MYO15A: variants seen among roughly 807,000 people sequenced by gnomAD.
MYO15A encodes myosin XVA.
Under a neutral mutation model 394.6 loss-of-function variants are expected in MYO15A, and 308 were observed. The observed-to-expected ratio is 0.78, with a 90% CI of 0.71 to 0.86. MYO15A has a LOEUF of 0.86. Among genes scored for constraint, MYO15A ranks in the 40% least tolerant of loss-of-function variants. The probability of loss-of-function intolerance (pLI) is 0.00; values close to 1 mark genes in which losing one functional copy is unlikely to be tolerated. For synonymous variants in MYO15A, 1,957 were observed against 2,003.8 expected (o/e 0.98, Z 0.62); for missense variants, 4,606 against 4,799.1 (o/e 0.96, Z 1.19).
chr17:18,163,294 A>G lies in MYO15A; in HGVS notation c.9663A>G (p.Glu3221=). The G allele has an allele frequency of 6.2e-7, 1 of 1,614,182 alleles. No homozygotes were observed. Among genetic ancestry groups the G allele is most frequent in the Admixed American group, 1.7e-5 (1 of 60,028 alleles). ...TCTTTCTTCTTCCTGGAGGCCTTGA[A>G]CGCCATCTCAAAATCAAAACATGCA... ...RQLFLLPGGL[E]RHLKIKTCTV... Residue 3221 remains glutamate, a synonymous_variant, in exon 59 of 66, where the codon GAA becomes GAG. Transcript: ENST00000647165.
At chr17:18,130,182 G>A (rs1473067375) in intron 7 of MYO15A, among the ~76,000 whole-genome samples, 1 of 152,110 alleles carries the variant, frequency 6.6e-6, no homozygotes. Context: ...CCCAGCCGAT[G>A]CTATTCCTTT....
At chr17:18,172,042 C>T in intron 63 of MYO15A, 115 bp from the exon 64 acceptor site, 2 of 1,561,664 alleles carry the variant, frequency 1.3e-6, no homozygotes, top group Non-Finnish European at 1.7e-6. Flanking sequence ...GAGACCCAGA[C>T]CAAGGGCTTC....
At chr17:18,171,603 C>T (rs542999358) in intron 62 of MYO15A, 35 bp from the exon 63 acceptor site, 1 of 1,613,698 alleles carries the variant, frequency 6.2e-7, no homozygotes, top group Non-Finnish European at 8.5e-7. Flanking sequence ...CCTGGGAGCT[C>T]ACTCAGGACC....
rs1038615011 is a variant in MYO15A at position 18,127,005 on chromosome 17, G to C, written c.3942-70G>C. 39 of 1,603,830 alleles carry C rather than the reference G, an allele frequency of 2.4e-5. No homozygotes were observed. The African/African-American group carries it at 3.6e-4, about 15-fold the overall frequency. The stretch of plus-strand genomic sequence containing the variant: ...CACCGTACATATCCTCTTGCTTCAT[G>C]ATGGGAGTCAGGGTGCCCCAGAAGA... On this transcript the variant is annotated intron_variant, in intron 6 of 65. Coordinates refer to ENST00000647165, the MANE Select transcript of MYO15A (RefSeq NM_016239.4).
chr17:18,120,113 C>T lies in MYO15A; in HGVS notation c.1313C>T (p.Pro438Leu). 1.2e-6 allele frequency: 2 copies of T among 1,612,730 alleles called. No homozygotes were observed. Among genetic ancestry groups the T allele is most frequent in the Non-Finnish European group, 1.7e-6 (2 of 1,179,634 alleles). ...AMDDIAELEE[P>L]EDAGVERQGT... ...GATGACATCGCCGAGCTGGAGGAAC[C>T]AGAGGACGCGGGCGTAGAGCGTCAG... The change falls in exon 2 of 66, where the codon CCA (proline) becomes CTA (leucine). Residue 438 changes from proline (P) to leucine (L), a missense_variant. Transcript: ENST00000647165.
In MYO15A at chr17:18,126,532, T is replaced by C. The variant is rs563712854; in HGVS notation, c.3866+76T>C. The C allele has an allele frequency of 3.7e-5, 52 of 1,398,188 alleles. No homozygotes were observed. In the South Asian group the frequency reaches 5.9e-4, roughly 16 times the overall value. 86.6% of individuals were successfully genotyped at this position (1,398,188 alleles called of 1,614,324 possible). On this transcript the variant is annotated intron_variant, in intron 5 of 65. Transcript: ENST00000647165. ...CTGCTCTGGGAGCCTGGATCCCGGC[T>C]GCACCTGAGCCATGAGTCAGAGGTA... is the stretch of plus-strand genomic sequence containing the variant.
Position 18,121,363 on chromosome 17 carries a change from C to T in MYO15A, c.2563C>T (p.His855Tyr). 6.7e-7 allele frequency: 1 copy of T among 1,484,854 alleles called. No individual in the cohort carries two copies. The highest frequency in any genetic ancestry group is 1.3e-5 in the South Asian group (1 of 78,082). The allele number at this position is 1,484,854 out of a possible 1,614,324, so 92.0% of individuals were successfully genotyped here. The change falls in exon 2 of 66, where the codon CAC becomes TAC. Residue 855 changes from histidine (H) to tyrosine (Y), a missense_variant. Transcript: ENST00000647165. The surrounding 1 kb of genome is among the most constrained non-coding windows in gnomAD (Gnocchi z 5.3). ...RPPSPPLGLC[H>Y]SPRRSSLNLP... Reference sequence around the variant, plus strand: ...GCCCTCGCCGCCCCTGGGGCTCTGCCACAGCCCGCGGCGCAGCTCCCTGAA... The same window carrying T: ...GCCCTCGCCGCCCCTGGGGCTCTGCTACAGCCCGCGGCGCAGCTCCCTGAA...
intron 13 of MYO15A, 69 bp from the exon 14 acceptor site, chr17:18,136,348 G>A: frequency 1.9e-6 from 3 of 1,587,824 alleles, no homozygotes; most frequent in Non-Finnish European, 8.6e-7. Context: ...CACTCCCTTA[G>A]TCCCCTGGGG....
chr17:18,137,780 C>A, intron 16 of MYO15A, 101 bp downstream of exon 16: 1 of 1,280,882 alleles, frequency 7.8e-7, no homozygotes, highest in African/African-American at 1.5e-5. Flanking sequence ...GCAATTCTGA[C>A]ATCAGTAGAC....
chr17:18,122,131 C>T lies in MYO15A; in HGVS notation c.3331C>T (p.Pro1111Ser), dbSNP rs1465545648. The change falls in exon 2 of 66, where the codon CCT becomes TCT. Residue 1111 changes from proline (P) to serine (S), a missense_variant. By Grantham distance (74) the Pro-to-Ser change is moderately conservative. Transcript: ENST00000647165. The part of the protein sequence containing the change: ...PKGGERRQAA[P>S]GRFAVVMPRV... ...GGGGGGTGAACGGCGCCAGGCAGCC[C>T]CTGGGCGTTTTGCTGTGGTCATGCC... The T allele has an allele frequency of 6.2e-7, 1 of 1,613,008 alleles. No homozygotes were observed. The highest frequency in any genetic ancestry group is 8.5e-7 in the Non-Finnish European group (1 of 1,180,014).
chr17:18,156,134 C>A, intron 47 of MYO15A, 61 bp from the exon 48 acceptor site: 3 of 1,612,362 alleles, frequency 1.9e-6, no homozygotes, highest in South Asian at 2.2e-5. Flanking sequence ...AGAAGCAGCA[C>A]AATAGGTGGA....
In MYO15A at chr17:18,158,650, C is replaced by T; in HGVS notation, c.9083+12C>T. 6.2e-7 allele frequency: 1 copy of T among 1,611,994 alleles called. No individual in the cohort carries two copies. The highest frequency in any genetic ancestry group is 8.5e-7 in the Non-Finnish European group (1 of 1,178,154). ...CAGAGGAGACCCCAGTGAGTGGCGG[C>T]CCCACCCCTCTTCCCACAGTGGGAG... is the stretch of plus-strand genomic sequence containing the variant. On this transcript the variant is annotated intron_variant, in intron 52 of 65. Coordinates refer to ENST00000647165, the MANE Select transcript of MYO15A (RefSeq NM_016239.4).
intron 58 of MYO15A, 55 bp from the exon 59 acceptor site, chr17:18,163,189 C>T: frequency 6.4e-7 from 1 of 1,560,882 alleles, no homozygotes; most frequent in Non-Finnish European, 8.8e-7. Flanking sequence ...GAGACAAGGG[C>T]TGTCCCAGAT....
chr17:18,149,147 C>A, intron 33 of MYO15A, 69 bp from the exon 34 acceptor site: 1 of 1,593,532 alleles, frequency 6.3e-7, no homozygotes, highest in Non-Finnish European at 8.6e-7. Flanking sequence ...TACCAGGGTG[C>A]AGAAGAAAAT....
Position 18,120,819 on chromosome 17 carries a change from GC to G in MYO15A, c.2024del (p.Pro675ArgfsTer53), listed in dbSNP as rs1299385798. 5.9e-6 allele frequency: 7 copies of G among 1,192,892 alleles called. No individual in the cohort carries two copies. Among genetic ancestry groups the G allele is most frequent in the South Asian group, 2.6e-5 (1 of 38,400 alleles). 73.9% of individuals were successfully genotyped at this position (1,192,892 alleles called of 1,614,324 possible). ...TGCCCCCGCGGCCCCCAAGCTCCGG[GC>G]CCCCGCCCGCGCCGCCGCTCTCCCC... ...PVPPRPPSSGPPPAPPLSPAL... is the reference protein window; with the variant it reads ...PVPPRPPSSGXPPAPPLSPAL... On this transcript the variant is annotated frameshift_variant, in exon 2 of 66. Coordinates refer to ENST00000647165, the MANE Select transcript of MYO15A (RefSeq NM_016239.4). LOFTEE classifies it high-confidence loss of function.
intron 62 of MYO15A, among the ~76,000 whole-genome samples, chr17:18,168,015 A>G (rs983043059): frequency 1.3e-5 from 2 of 152,250 alleles, no homozygotes; most frequent in Admixed American, 1.3e-4. Context: ...TGGTCCAGGA[A>G]ATACATGTAG....
chr17:18,143,547 G>T lies in MYO15A; in HGVS notation c.5911-19G>T. ...ACCTCTGCCTGCCACTCCCCAACCT[G>T]ACATCTTCTCTTCTGAAGCTGAGGG... On this transcript the variant is annotated intron_variant, in intron 25 of 65. Coordinates refer to ENST00000647165, the MANE Select transcript of MYO15A (RefSeq NM_016239.4). 6.4e-7 allele frequency: 1 copy of T among 1,552,486 alleles called. No homozygotes were observed. The highest frequency in any genetic ancestry group is 1.2e-5 in the South Asian group (1 of 84,126).
chr17:18,171,457 T>C (rs904319639), intron 62 of MYO15A, among the ~76,000 whole-genome samples, 181 bp from the exon 63 acceptor site: 1 of 152,170 alleles, frequency 6.6e-6, no homozygotes, highest in African/African-American at 2.4e-5. Flanking sequence ...CCGGCCATGA[T>C]TAAGCAGTAC....
chr17:18,149,813 T>C, intron 35 of MYO15A: 1 of 590,448 alleles, frequency 1.7e-6, no homozygotes, highest in Non-Finnish European at 3.1e-6. Context: ...TCTAGCAAGG[T>C]GTGGTGGCAT....
Sources: gnomAD v4.1 joint callset for allele counts (sites outside exome capture counted in the v4.1 genomes callset) on GRCh38, gnomAD v4.1.1 for gene constraint, Gnocchi (gnomAD v3.1) non-coding constraint, MANE v1.5 for transcripts, NCBI Gene and HGNC (gene_info 2026-07-23, HGNC 2026-07-21) for gene names.